Variants in FAM171A1 observed in about 807,000 individuals in gnomAD.
FAM171A1 encodes the protein protein FAM171A1.
Under a neutral mutation model 74.9 loss-of-function variants are expected in FAM171A1, and 23 were observed. The ratio of observed to expected loss-of-function variants is 0.31; its 90% CI spans 0.22 to 0.44. The LOEUF (loss-of-function observed/expected upper bound fraction) is 0.44, where lower values mean the gene tolerates loss of function less well. FAM171A1 is among the 20% of genes least tolerant of loss of function. FAM171A1 has a pLI of 1.00. For synonymous variants in FAM171A1, 527 were observed against 505.7 expected (o/e 1.04, Z -0.57); for missense variants, 1,162 against 1,159.2 (o/e 1.00, Z -0.03).
chr10:15,300,569 C>G (rs891121768), intron 1 of FAM171A1, among the ~76,000 whole-genome samples: 1 of 151,758 alleles, frequency 6.6e-6, no homozygotes, highest in African/African-American at 2.4e-5. Flanking sequence ...ACCCTTTCCC[C>G]CTAAAAGCTT....
At chr10:15,218,552 AT>A (rs1833996419) in intron 6 of FAM171A1, among the ~76,000 whole-genome samples, 1 of 152,120 alleles carries the variant, frequency 6.6e-6, no homozygotes, top group Non-Finnish European at 1.5e-5. Context: ...GATGACTGAC[AT>A]ATGTATCCCT....
At position 15,213,538 on chromosome 10, in the gene FAM171A1, C is replaced by T. The variant is rs1188379616; in HGVS notation, c.2050G>A (p.Glu684Lys). Residue 684 changes from glutamate (E) to lysine (K), a missense_variant, in exon 8 of 8, where the codon GAG becomes AAG. Physicochemically the swap from Glu to Lys is moderately conservative, Grantham distance 56. Coordinates refer to ENST00000378116, the MANE Select transcript of FAM171A1 (RefSeq NM_001010924.2). The surrounding 1 kb of genome is among the most constrained non-coding windows in gnomAD (Gnocchi z 6.8). Reference protein sequence around the residue: ...NDAALAQMNSEVQLLTEKALM... With the variant: ...NDAALAQMNSKVQLLTEKALM... The stretch of plus-strand genomic sequence containing the variant: ...GCCTTTTCAGTCAGGAGCTGCACCT[C>T]ACTGTTCATCTGAGCCAAAGCCGCG... The T allele has an allele frequency of 6.2e-7, 1 of 1,614,172 alleles. No homozygotes were observed. The highest frequency in any genetic ancestry group is 8.5e-7 in the Non-Finnish European group (1 of 1,180,016).
intron 6 of FAM171A1, among the ~76,000 whole-genome samples, chr10:15,219,850 G>A (rs1283449069): frequency 6.6e-6 from 1 of 152,232 alleles, no homozygotes; most frequent in Non-Finnish European, 1.5e-5. Flanking sequence ...AAAGTGCTGG[G>A]ATTACAGGCG....
intron 1 of FAM171A1, among the ~76,000 whole-genome samples, chr10:15,332,564 C>T (rs761194232): frequency 1.3e-5 from 2 of 152,042 alleles, no homozygotes; most frequent in African/African-American, 2.4e-5. Context: ...ATGGAAGCAA[C>T]GATAGAAATA....
At chr10:15,351,716 G>C (rs1835882506) in intron 1 of FAM171A1, among the ~76,000 whole-genome samples, 1 of 152,072 alleles carries the variant, frequency 6.6e-6, no homozygotes, top group African/African-American at 2.4e-5. Context: ...TGGATGGAGA[G>C]TGGCTCATCA....
intron 3 of FAM171A1, among the ~76,000 whole-genome samples, chr10:15,264,555 T>A (rs1181930187): frequency 6.6e-6 from 1 of 151,610 alleles, no homozygotes; most frequent in Non-Finnish European, 1.5e-5. Context: ...GAGGGCAAGG[T>A]GGGCAGATAG....
At chr10:15,229,167 TG>T (rs1233731934) in intron 5 of FAM171A1, among the ~76,000 whole-genome samples, 4 of 152,172 alleles carry the variant, frequency 2.6e-5, no homozygotes, top group African/African-American at 9.7e-5. Context: ...ACATTCACAC[TG>T]TGAGAGATTT....
At chr10:15,266,379 C>T (rs530480364) in intron 3 of FAM171A1, among the ~76,000 whole-genome samples, 21 of 152,266 alleles carry the variant, frequency 1.4e-4, no homozygotes, top group Admixed American at 1.1e-3. Flanking sequence ...ACAAGCCCCT[C>T]GGCTGCCAGG....
At chr10:15,324,413 T>C (rs1286745536) in intron 1 of FAM171A1, among the ~76,000 whole-genome samples, 1 of 152,248 alleles carries the variant, frequency 6.6e-6, no homozygotes, top group African/African-American at 2.4e-5. Context: ...GGAAACATTC[T>C]TTATGTACTG....
At chr10:15,307,556 G>C (rs1371141196) in intron 1 of FAM171A1, among the ~76,000 whole-genome samples, 1 of 145,424 alleles carries the variant, frequency 6.9e-6, no homozygotes, top group Non-Finnish European at 1.5e-5. Flanking sequence ...TGAGGCAGGA[G>C]AATCGCTTGT....
chr10:15,367,517 T>C (rs1333544076), intron 1 of FAM171A1, among the ~76,000 whole-genome samples: 1 of 152,162 alleles, frequency 6.6e-6, no homozygotes, highest in Non-Finnish European at 1.5e-5. Flanking sequence ...TGTGAGCCCA[T>C]GAGTTTTATT....
At chr10:15,308,650 AAC>A (rs1358399960) in intron 1 of FAM171A1, among the ~76,000 whole-genome samples, 1 of 143,458 alleles carries the variant, frequency 7.0e-6, no homozygotes, top group East Asian at 2.0e-4. Context: ...TGTCTCAAAA[AAC>A]AAACAAACAA....
At chr10:15,225,802 A>G (rs1319884195) in intron 5 of FAM171A1, among the ~76,000 whole-genome samples, 3 of 152,132 alleles carry the variant, frequency 2.0e-5, no homozygotes, top group Non-Finnish European at 4.4e-5. Context: ...CGAACCAAAG[A>G]AAGCTCCACT....
At chr10:15,337,044 A>ATT (rs778973685) in intron 1 of FAM171A1, among the ~76,000 whole-genome samples, 2 of 136,938 alleles carry the variant, frequency 1.5e-5, no homozygotes, top group African/African-American at 2.9e-5. Flanking sequence ...ACAGTTGGCT[A>ATT]TTTTTTTTTT....
intron 1 of FAM171A1, among the ~76,000 whole-genome samples, chr10:15,316,224 T>C (rs920717014): frequency 6.6e-6 from 1 of 152,252 alleles, no homozygotes; most frequent in African/African-American, 2.4e-5. Flanking sequence ...CGATGGTTTA[T>C]CTTATTTGAA....
chr10:15,320,903 A>C (rs890731476), intron 1 of FAM171A1, among the ~76,000 whole-genome samples: 1 of 152,254 alleles, frequency 6.6e-6, no homozygotes, highest in African/African-American at 2.4e-5. Context: ...GTTTTAAGCA[A>C]TGCAGACAAC....
At position 15,313,982 on chromosome 10, in the gene FAM171A1, C is replaced by T. The variant is rs895597970; in HGVS notation, c.98-29877G>A. Reference sequence around the variant, plus strand: ...CGATCTGCATAGTGCAAGGCAACGACGGGATCTGGCCTCTCCTCCTGTTAT... The same window carrying T: ...CGATCTGCATAGTGCAAGGCAACGATGGGATCTGGCCTCTCCTCCTGTTAT... On this transcript the variant is annotated intron_variant, in intron 1 of 7. Transcript: ENST00000378116. Among the ~76,000 whole-genome samples, 7 of 152,330 alleles carry T rather than the reference C, an allele frequency of 4.6e-5. No individual in the cohort carries two copies. The South Asian group carries it at 1.2e-3, about 27-fold the overall frequency.
At chr10:15,344,824 G>A (rs1156277321) in intron 1 of FAM171A1, among the ~76,000 whole-genome samples, 1 of 152,122 alleles carries the variant, frequency 6.6e-6, no homozygotes, top group Non-Finnish European at 1.5e-5. Flanking sequence ...AAACATTTGC[G>A]AATCTCATGT....
At chr10:15,227,122 C>T (rs1834118958) in intron 5 of FAM171A1, among the ~76,000 whole-genome samples, 1 of 152,050 alleles carries the variant, frequency 6.6e-6, no homozygotes. Flanking sequence ...GCCTCAGCCT[C>T]CTGAGTAGCT....
Sources: gnomAD v4.1 joint callset for allele counts (sites outside exome capture counted in the v4.1 genomes callset) on GRCh38, gnomAD v4.1.1 for gene constraint, Gnocchi (gnomAD v3.1) non-coding constraint, MANE v1.5 for transcripts, NCBI Gene and HGNC (gene_info 2026-07-23, HGNC 2026-07-21) for gene names.